DLGAP2: variants seen among roughly 807,000 people sequenced by gnomAD.
DLGAP2 encodes the protein DLG associated protein 2, also known as disks large-associated protein 2.
DLGAP2 carries 26 observed loss-of-function variants against 100.3 expected under a neutral mutation model. The observed-to-expected ratio is 0.26, with a 90% confidence interval of 0.19 to 0.36. The LOEUF (loss-of-function observed/expected upper bound fraction) is 0.36. Ranked by LOEUF, DLGAP2 falls within the 10% of genes least tolerant of loss-of-function variation. The pLI is 1.00. For missense variants in DLGAP2, 1,858 were observed against 1,453.2 expected, an observed-to-expected ratio of 1.28 and a Z score of -4.53; for synonymous variants, 886 against 630.1, an observed-to-expected ratio of 1.41 and a Z score of -6.08.
chr8:773,537 C>A (rs1821424394), intron 1 of DLGAP2, among the ~76,000 whole-genome samples: 1 of 148,362 alleles, frequency 6.7e-6, no homozygotes, highest in Admixed American at 6.8e-5. Context: ...GTGATATTCC[C>A]CTTCCTGTGT....
intron 2 of DLGAP2, among the ~76,000 whole-genome samples, chr8:1,041,111 C>T (rs955653156): frequency 6.6e-6 from 1 of 152,116 alleles, no homozygotes; most frequent in Non-Finnish European, 1.5e-5. Flanking sequence ...AGGTATCTGT[C>T]CTCGGCAATG....
chr8:1,106,450 C>A (rs570380729), intron 2 of DLGAP2, among the ~76,000 whole-genome samples: 3 of 148,232 alleles, frequency 2.0e-5, no homozygotes, highest in Non-Finnish European at 4.5e-5. Context: ...CTGAAGGAGG[C>A]CATTCAAGGA....
chr8:753,215 G>A (rs1820836750), intron 1 of DLGAP2, among the ~76,000 whole-genome samples: 1 of 152,148 alleles, frequency 6.6e-6, no homozygotes, highest in Non-Finnish European at 1.5e-5. Flanking sequence ...ACGCAGAGGA[G>A]GGGCCCGGTA....
chr8:1,261,228 G>C (rs1370295977), intron 3 of DLGAP2, among the ~76,000 whole-genome samples: 3 of 150,432 alleles, frequency 2.0e-5, no homozygotes, highest in African/African-American at 7.4e-5. Flanking sequence ...AGACTGGAAG[G>C]GCAGGTCGGC....
intron 6 of DLGAP2, among the ~76,000 whole-genome samples, chr8:1,598,440 T>C (rs1007070714): frequency 1.3e-5 from 2 of 152,222 alleles, no homozygotes; most frequent in African/African-American, 4.8e-5. Context: ...GAAGGAATGG[T>C]ACCAGCTCCT....
chr8:1,341,180 T>A (rs1304358380), intron 3 of DLGAP2, among the ~76,000 whole-genome samples: 3 of 152,164 alleles, frequency 2.0e-5, no homozygotes, highest in Non-Finnish European at 2.9e-5. Flanking sequence ...CAAATCCCCA[T>A]GACACAAGTT....
intron 6 of DLGAP2, among the ~76,000 whole-genome samples, chr8:1,585,713 G>A (rs535686800): frequency 5.3e-5 from 8 of 152,306 alleles, no homozygotes; most frequent in African/African-American, 9.6e-5. Context: ...CCACCCAGCC[G>A]TGGGCAGTGC....
chr8:1,678,807 A>G (rs1798874824), intron 12 of DLGAP2, 178 bp downstream of exon 12: 1 of 699,074 alleles, frequency 1.4e-6, no homozygotes, highest in African/African-American at 1.8e-5. Context: ...ACATGAAAAG[A>G]GAAGCAGTCA....
chr8:1,337,417 A>G (rs1801307990), intron 3 of DLGAP2, among the ~76,000 whole-genome samples: 1 of 83,064 alleles, frequency 1.2e-5, no homozygotes, highest in Non-Finnish European at 2.7e-5. Flanking sequence ...GGTGATGGTG[A>G]GGATGATGGT....
chr8:997,929 C>A (rs1005505387), intron 2 of DLGAP2, among the ~76,000 whole-genome samples: 1 of 151,860 alleles, frequency 6.6e-6, no homozygotes, highest in Non-Finnish European at 1.5e-5. Context: ...TGCACACACA[C>A]CCATGCATAC....
intron 3 of DLGAP2, among the ~76,000 whole-genome samples, chr8:1,439,920 A>T (rs115344665): frequency 0.015 from 2,252 of 152,258 alleles, 51 homozygotes; most frequent in African/African-American, 0.047. Flanking sequence ...AGACAATGAC[A>T]GTGAACGGAG....
chr8:895,662 T>C (rs140276412), intron 1 of DLGAP2, among the ~76,000 whole-genome samples: 2 of 152,304 alleles, frequency 1.3e-5, no homozygotes, highest in Non-Finnish European at 2.9e-5. Flanking sequence ...TCACGAGGTT[T>C]ATGAGAGCCC....
At chr8:862,372 AGCTCACTG>A (rs1481779385) in intron 1 of DLGAP2, among the ~76,000 whole-genome samples, 1 of 148,064 alleles carries the variant, frequency 6.8e-6, no homozygotes, top group African/African-American at 2.5e-5. Context: ...GCATAATCTC[AGCTCACTG>A]CGGCCTCCGC....
At chr8:1,558,477 A>T (rs1466421542) in intron 5 of DLGAP2, among the ~76,000 whole-genome samples, 1 of 152,130 alleles carries the variant, frequency 6.6e-6, no homozygotes, top group African/African-American at 2.4e-5. Context: ...AAGGAGGGAG[A>T]CACATACAAA....
At chr8:1,674,694 G>A (rs1798768848) in intron 10 of DLGAP2, among the ~76,000 whole-genome samples, 1 of 152,162 alleles carries the variant, frequency 6.6e-6, no homozygotes. Flanking sequence ...CCCGTCTGGT[G>A]AATATATTCA....
chr8:745,026 C>T (rs1020003786), intron 1 of DLGAP2, among the ~76,000 whole-genome samples: 1 of 152,220 alleles, frequency 6.6e-6, no homozygotes, highest in Non-Finnish European at 1.5e-5. Context: ...GGCCATGTCA[C>T]TGGATAAACA....
chr8:1,517,943 T>C (rs1420726790), intron 4 of DLGAP2, among the ~76,000 whole-genome samples: 1 of 152,238 alleles, frequency 6.6e-6, no homozygotes, highest in Non-Finnish European at 1.5e-5. Context: ...GGGAACTTTC[T>C]GGAGCAAGTG....
chr8:1,216,346 G>A (rs1183389061), intron 2 of DLGAP2, among the ~76,000 whole-genome samples: 1 of 152,012 alleles, frequency 6.6e-6, no homozygotes, highest in Non-Finnish European at 1.5e-5. Context: ...CTCAGGCTCT[G>A]TCCTAATTGT....
At chr8:1,120,322 C>T (rs1796007972) in intron 2 of DLGAP2, among the ~76,000 whole-genome samples, 2 of 152,182 alleles carry the variant, frequency 1.3e-5, no homozygotes. Flanking sequence ...TCGTTCCAGC[C>T]AACATGCGTC....
Sources: allele counts gnomAD v4.1 joint callset (sites outside exome capture counted in the v4.1 genomes callset), GRCh38; gene constraint gnomAD v4.1.1; transcripts MANE v1.5; gene names NCBI Gene and HGNC (gene_info 2026-07-23, HGNC 2026-07-21).